The following PMP22 variants were observed in gnomAD, a reference collection of about 807,000 sequenced individuals.
The protein encoded by PMP22 is peripheral myelin protein 22, also known as Charcot-Marie-Tooth neuropathy 1A (greatly reduced nerve conduction velocity, hereditary motor sensory neuropathy Ia).
A neutral mutation model predicts 18.9 loss-of-function variants in PMP22; 2 were observed. The ratio of observed to expected loss-of-function variants is 0.11; its 90% CI spans 0.04 to 0.33. PMP22 has a LOEUF of 0.33. Among genes scored for constraint, PMP22 ranks in the 10% least tolerant of loss-of-function variants. PMP22 has a pLI of 1.00. For synonymous variants in PMP22, 95 were observed against 89.2 expected, an observed-to-expected ratio of 1.07 and a Z score of -0.37; for missense variants, 169 against 202.2, an observed-to-expected ratio of 0.84 and a Z score of 1.00.
chr17:15,264,238 A>G (rs200320794), intron 1 of PMP22, among the ~76,000 whole-genome samples: 3 of 93,338 alleles, frequency 3.2e-5, no homozygotes, highest in East Asian at 4.0e-4. Flanking sequence ...AGGTAGATAG[A>G]TAGATAGATA....
intron 3 of PMP22, among the ~76,000 whole-genome samples, chr17:15,247,038 C>T (rs1907881621): frequency 1.4e-5 from 2 of 139,794 alleles, no homozygotes; most frequent in African/African-American, 5.4e-5. Context: ...CCACTGCACT[C>T]CAGCCTGGAA....
Position 15,260,777 on chromosome 17 carries a change from T to G in PMP22, c.-34-16A>C. The G allele has an allele frequency of 1.4e-6, 2 of 1,474,066 alleles. No homozygotes were observed. Among genetic ancestry groups the G allele is most frequent in the Middle Eastern group, 1.7e-4 (1 of 5,754 alleles). The allele number at this position is 1,474,066 out of a possible 1,614,324, so 91.3% of individuals were successfully genotyped here. A position where few individuals can be genotyped will look rare whatever the true frequency, so the allele number is the denominator to read the frequency against. On this transcript the variant is annotated splice_polypyrimidine_tract_variant and intron_variant, in intron 1 of 4. Transcript: ENST00000312280. ...GAGTTTCTGCCTGCGAGGAGAGCGC[T>G]GGGCGTGAGGCCGAACGCACTGGGC... is the stretch of plus-strand genomic sequence containing the variant.
intron 4 of PMP22, among the ~76,000 whole-genome samples, chr17:15,237,203 A>T (rs1406183839): frequency 6.6e-6 from 1 of 152,242 alleles, no homozygotes; most frequent in Non-Finnish European, 1.5e-5. Context: ...CGCAATACCT[A>T]GGAGAAGAGT....
chr17:15,255,938 G>A (rs185457158), intron 3 of PMP22, among the ~76,000 whole-genome samples: 13 of 152,152 alleles, frequency 8.5e-5, no homozygotes, highest in Admixed American at 1.3e-4. Context: ...GACCAGGCTC[G>A]GGACCATCAA....
intron 3 of PMP22, among the ~76,000 whole-genome samples, chr17:15,252,396 TTGCTGCTGC>T (rs111928632): frequency 1.9e-3 from 294 of 151,086 alleles, no homozygotes; most frequent in African/African-American, 5.3e-3. Flanking sequence ...GAGTTTGCTG[TTGCTGCTGC>T]TGCTGCTGCT....
intron 3 of PMP22, among the ~76,000 whole-genome samples, chr17:15,257,250 A>G (rs1908915831): frequency 6.6e-6 from 1 of 152,240 alleles, no homozygotes; most frequent in Admixed American, 6.5e-5. Context: ...GCTATTTCCA[A>G]CGGCAGAAGA....
At chr17:15,238,158 G>A (rs879149771) in intron 4 of PMP22, among the ~76,000 whole-genome samples, 4 of 152,182 alleles carry the variant, frequency 2.6e-5, no homozygotes, top group Admixed American at 2.6e-4. Flanking sequence ...TTGGCTTGGT[G>A]TCATAAGACA....
chr17:15,244,814 T>A (rs1907651535), intron 3 of PMP22, among the ~76,000 whole-genome samples: 1 of 152,354 alleles, frequency 6.6e-6, no homozygotes, highest in South Asian at 2.1e-4. Context: ...CCCCAGGAAC[T>A]ACTGTTGCAA....
intron 4 of PMP22, chr17:15,235,190 A>G: frequency 1.4e-6 from 1 of 717,264 alleles, no homozygotes; most frequent in Non-Finnish European, 2.6e-6. Context: ...GAACAACAAT[A>G]ACAAAAAGAG....
rs1221700802 is a variant in PMP22, at chr17:15,239,755, AACTCAG to A, written c.179-150_179-145del. The A allele has an allele frequency of 9.8e-6, 7 of 714,578 alleles. No homozygotes were observed. In the East Asian group the frequency reaches 1.9e-4, roughly 19 times the overall value. 44.3% of individuals were successfully genotyped at this position (714,578 alleles called of 1,614,324 possible). A position where few individuals can be genotyped will look rare whatever the true frequency, so the allele number is the denominator to read the frequency against. Reference sequence around the variant, plus strand: ...AGCAGAAGTCCTTTTTCCTTAGCAGAACTCAGACAATTCACTTTTGCAATCTAAGAA... The same window carrying A: ...AGCAGAAGTCCTTTTTCCTTAGCAGAACAATTCACTTTTGCAATCTAAGAA... On this transcript the variant is annotated intron_variant, in intron 3 of 4. Coordinates refer to ENST00000312280, the MANE Select transcript of PMP22 (RefSeq NM_000304.4).
intron 3 of PMP22, among the ~76,000 whole-genome samples, chr17:15,257,035 G>A (rs1567716563): frequency 6.6e-6 from 1 of 152,206 alleles, no homozygotes. Flanking sequence ...GATTGTGAGA[G>A]CTGAGAAGGG....
At chr17:15,255,880 C>T (rs1190908069) in intron 3 of PMP22, among the ~76,000 whole-genome samples, 1 of 152,172 alleles carries the variant, frequency 6.6e-6, no homozygotes, top group Non-Finnish European at 1.5e-5. Flanking sequence ...GCCTGCTCTG[C>T]CTTCCAAGGG....
At chr17:15,234,748 G>A (rs1016121739) in intron 4 of PMP22, among the ~76,000 whole-genome samples, 2 of 151,858 alleles carry the variant, frequency 1.3e-5, no homozygotes, top group Admixed American at 6.6e-5. Context: ...TTTGACTTAA[G>A]CCACCTTTGA....
chr17:15,259,819 G>A (rs1909151259), intron 2 of PMP22, among the ~76,000 whole-genome samples: 1 of 150,944 alleles, frequency 6.6e-6, no homozygotes, highest in African/African-American at 2.4e-5. Context: ...CGTGGTGGCG[G>A]GCACCTGTAA....
chr17:15,248,636 C>A (rs146897580), intron 3 of PMP22, among the ~76,000 whole-genome samples: 1 of 151,882 alleles, frequency 6.6e-6, no homozygotes, highest in Non-Finnish European at 1.5e-5. Context: ...ACTCTAGAAA[C>A]AGGGAAACAG....
At chr17:15,253,376 A>C (rs1169927990) in intron 3 of PMP22, among the ~76,000 whole-genome samples, 3 of 152,218 alleles carry the variant, frequency 2.0e-5, no homozygotes, top group Non-Finnish European at 2.9e-5. Flanking sequence ...TAAGGCAGCA[A>C]AAGAAAGAAA....
chr17:15,243,564 C>T (rs1430002390), intron 3 of PMP22, among the ~76,000 whole-genome samples: 1 of 151,124 alleles, frequency 6.6e-6, no homozygotes, highest in African/African-American at 2.4e-5. Flanking sequence ...ATACCACCTA[C>T]CAGATTTAAA....
At chr17:15,240,196 G>C (rs1907199277) in intron 3 of PMP22, among the ~76,000 whole-genome samples, 1 of 152,140 alleles carries the variant, frequency 6.6e-6, no homozygotes, top group Non-Finnish European at 1.5e-5. Flanking sequence ...GCCCTCAGGG[G>C]TCTTTGAAGG....
intron 4 of PMP22, among the ~76,000 whole-genome samples, chr17:15,233,586 C>T (rs944181525): frequency 6.6e-5 from 10 of 152,266 alleles, no homozygotes; most frequent in African/African-American, 1.9e-4. Flanking sequence ...TGAGGGAATT[C>T]CCAGTACATC....
Sources: gnomAD v4.1 joint callset for allele counts (sites outside exome capture counted in the v4.1 genomes callset) on GRCh38, gnomAD v4.1.1 for gene constraint, MANE v1.5 for transcripts, NCBI Gene and HGNC (gene_info 2026-07-23, HGNC 2026-07-21) for gene names.